The following PARVG variants were observed in gnomAD, a reference collection of about 807,000 sequenced individuals.
PARVG encodes the protein gamma-parvin.
In PARVG, 36 loss-of-function variants were observed where a neutral mutation model predicts 44.4. That is an observed-to-expected ratio of 0.81 (90% confidence interval 0.62 to 1.07). The LOEUF is 1.07. Among genes scored for constraint, PARVG ranks in the 50% least tolerant of loss-of-function variants. The pLI, the probability that PARVG is intolerant of heterozygous loss-of-function variation, is 0.00. For synonymous variants in PARVG, 170 were observed against 174.1 expected, an observed-to-expected ratio of 0.98 and a Z score of 0.19; for missense variants, 407 against 407.4, an observed-to-expected ratio of 1.00 and a Z score of 0.01.
chr22:44,201,262 G>A (rs2054704215), intron 12 of PARVG, among the ~76,000 whole-genome samples: 5 of 152,086 alleles, frequency 3.3e-5, no homozygotes, highest in Admixed American at 2.0e-4. Context: ...GCCTCTCCTG[G>A]CCCTCTCCCC....
chr22:44,184,956 G>A (rs937893498), intron 3 of PARVG: 6 of 152,168 alleles, frequency 3.9e-5, no homozygotes, highest in Non-Finnish European at 5.9e-5. Context: ...TGATTCAAGC[G>A]GCAAGAAGTC....
At chr22:44,198,490 C>T in intron 11 of PARVG, 131 bp from the exon 12 acceptor site, 1 of 729,458 alleles carries the variant, frequency 1.4e-6, no homozygotes, top group Admixed American at 2.3e-5. Flanking sequence ...CATGTCTTCC[C>T]CACTTCTCAT....
At chr22:44,194,110 G>A (rs1284851627) in intron 9 of PARVG, among the ~76,000 whole-genome samples, 1 of 152,188 alleles carries the variant, frequency 6.6e-6, no homozygotes, top group African/African-American at 2.4e-5. Flanking sequence ...AGTGGCCTGG[G>A]TTCAAACACC....
upstream of PARVG, among the ~76,000 whole-genome samples, chr22:44,177,616 C>T (rs1250837256): frequency 2.6e-5 from 4 of 152,098 alleles, no homozygotes; most frequent in Non-Finnish European, 4.4e-5. Flanking sequence ...GTATTTTCCT[C>T]GTTATTAGAT....
In PARVG at chr22:44,201,641, G is replaced by A. The variant is rs565542197; in HGVS notation, c.813+2919G>A. On this transcript the variant is annotated intron_variant, in intron 12 of 13. Coordinates refer to ENST00000444313, the MANE Select transcript of PARVG (RefSeq NM_022141.7). ...GGAGGAGCTGCATCAGCCAGCCATT[G>A]CCACAAACGTGCTGCTTAACAAACC... Among the ~76,000 whole-genome samples, 7 of 152,302 alleles carry A rather than the reference G, an allele frequency of 4.6e-5. No individual in the cohort carries two copies. The South Asian group carries it at 1.5e-3, about 32-fold the overall frequency.
In PARVG at chr22:44,181,085, C is replaced by T. The variant is rs1303716017; in HGVS notation, c.-289C>T. 14 of 702,020 alleles carry T rather than the reference C, an allele frequency of 2.0e-5. No homozygotes were observed. Among genetic ancestry groups the T allele is most frequent in the Admixed American group, 6.3e-5 (1 of 15,886 alleles). 43.5% of individuals were successfully genotyped at this position (702,020 alleles called of 1,614,324 possible). A position where few individuals can be genotyped will look rare whatever the true frequency, so the allele number is the denominator to read the frequency against. On this transcript the variant is annotated 5_prime_UTR_variant, in exon 1 of 14. Transcript: ENST00000444313. ...CAAACTCCTATGCAGCCGTCAAGGCCCCATTCTCCTCTGGAAAGCCTTCCC... is the reference window on the plus strand; with the variant it reads ...CAAACTCCTATGCAGCCGTCAAGGCTCCATTCTCCTCTGGAAAGCCTTCCC...
Position 44,185,987 on chromosome 22 carries a change from G to A in PARVG, c.144+115G>A, listed in dbSNP as rs373096875. 7.6e-5 allele frequency: 71 copies of A among 933,006 alleles called. 2 individuals carry two copies. The highest frequency in any genetic ancestry group is 6.6e-4 in the African/African-American group (39 of 58,976). 57.8% of individuals were successfully genotyped at this position (933,006 alleles called of 1,614,324 possible). On this transcript the variant is annotated intron_variant, in intron 4 of 13. Transcript: ENST00000444313. The stretch of plus-strand genomic sequence containing the variant: ...CCACTCCTTGGCCTCAGGCTGGGGG[G>A]TGGCGACCCCCGAAGACCCCTGGAA...
chr22:44,190,539 C>T lies in PARVG; in HGVS notation c.389-12C>T, dbSNP rs1270527852. 1.2e-6 allele frequency: 2 copies of T among 1,609,274 alleles called. No individual in the cohort carries two copies. Among genetic ancestry groups the T allele is most frequent in the Non-Finnish European group, 1.7e-6 (2 of 1,175,504 alleles). ...CCTCCTGGGCTCTGACCTGTCTCCA[C>T]TCTCTTCCCAGGCATCTTCAACAAG... is the stretch of plus-strand genomic sequence containing the variant. On this transcript the variant is annotated splice_polypyrimidine_tract_variant and intron_variant, in intron 6 of 13. Transcript: ENST00000444313.
intron 8 of PARVG, 24 bp downstream of exon 8, chr22:44,192,128 G>C: frequency 6.2e-7 from 1 of 1,611,456 alleles, no homozygotes; most frequent in Non-Finnish European, 8.5e-7. Context: ...GAGGGCCCAT[G>C]GGTGGGGCTG....
chr22:44,181,329 G>A, intron 1 of PARVG, 144 bp downstream of exon 1: 1 of 985,528 alleles, frequency 1.0e-6, no homozygotes, highest in Non-Finnish European at 1.2e-6. Flanking sequence ...TCAGCTCAGG[G>A]GCGGGCAGGG....
Position 44,205,980 on chromosome 22 carries a change from G to A in PARVG, c.886+151G>A, listed in dbSNP as rs577708785. On this transcript the variant is annotated intron_variant, in intron 13 of 13. Transcript: ENST00000444313. ...GGGTGGAGAATGGGCGCTTGCCAAG[G>A]TTTCTTGGGAGGGGGCACTGCAGCC... 69 of 989,854 alleles carry A rather than the reference G, an allele frequency of 7.0e-5. No individual in the cohort carries two copies. In the African/African-American group the frequency reaches 1.1e-3, roughly 15 times the overall value. 61.3% of individuals were successfully genotyped at this position (989,854 alleles called of 1,614,324 possible).
intron 12 of PARVG, among the ~76,000 whole-genome samples, chr22:44,198,961 T>TCCATCCATCCATCCATCCACCCAC (rs2054664537): frequency 1.4e-5 from 1 of 73,564 alleles, no homozygotes; most frequent in African/African-American, 3.8e-5. Flanking sequence ...CATCCATCCA[T>TCCATCCATCCATCCATCCACCCAC]CCATCCATCC....
chr22:44,175,117 G>A lies in PARVG; in HGVS notation c.-189+1926G>A, dbSNP rs187431981. Among the ~76,000 whole-genome samples, 367 of 152,294 alleles carry A rather than the reference G, an allele frequency of 2.4e-3. 1 individual carries two copies. Among genetic ancestry groups the A allele is most frequent in the African/African-American group, 8.3e-3 (346 of 41,556 alleles). ...AGCCTAGGCAACAAGAGGGAAACTC[G>A]GTCTCAAAAACAAAAAACATTGCTT... On this transcript the variant is annotated intron_variant, in intron 1 of 13. Coordinates refer to the PARVG transcript ENST00000422871.
At position 44,182,840 on chromosome 22, in the gene PARVG, G is replaced by A. The variant is rs2054402705; in HGVS notation, c.-12-478G>A. Among the ~76,000 whole-genome samples the A allele has an allele frequency of 2.0e-5, 3 of 152,172 alleles. No homozygotes were observed. The highest frequency in any genetic ancestry group is 6.5e-5 in the Admixed American group (1 of 15,282). On this transcript the variant is annotated intron_variant, in intron 2 of 13. Coordinates refer to ENST00000444313, the MANE Select transcript of PARVG (RefSeq NM_022141.7). The surrounding 1 kb of genome is among the most constrained non-coding windows in gnomAD (Gnocchi z 4.6). ...TGCCTCTGTCAACCCTGGCCCTTCC[G>A]GTTTATGGGATGGGAGATGTCACCA...
chr22:44,195,296 G>C (rs1380108807), intron 9 of PARVG, among the ~76,000 whole-genome samples: 1 of 152,180 alleles, frequency 6.6e-6, no homozygotes, highest in Non-Finnish European at 1.5e-5. Flanking sequence ...ATTTTAACGT[G>C]CATGATGCTA....
intron 5 of PARVG, 182 bp from the exon 6 acceptor site, chr22:44,188,932 T>G: frequency 1.5e-6 from 1 of 671,338 alleles, no homozygotes; most frequent in Non-Finnish European, 2.4e-6. Context: ...GAGGGTCTCC[T>G]GGAAGCTGGA....
intron 4 of PARVG, chr22:44,186,702 A>G: frequency 2.1e-6 from 1 of 469,228 alleles, no homozygotes; most frequent in South Asian, 1.5e-5. Flanking sequence ...AGAGACAAGG[A>G]TTTGGATGCC....
chr22:44,182,879 C>T lies in PARVG; in HGVS notation c.-12-439C>T, dbSNP rs1376637387. ...GAGATGTCACCATTCCACGTATCCA[C>T]CTCAGCCAGCCCCACACAGGCCGAC... On this transcript the variant is annotated intron_variant, in intron 2 of 13. Transcript: ENST00000444313. This position sits in a 1 kb window ranked among gnomAD's most constrained non-coding sequence, Gnocchi z 4.6. Among the ~76,000 whole-genome samples the T allele has an allele frequency of 6.6e-6, 1 of 152,212 alleles. No homozygotes were observed. Among genetic ancestry groups the T allele is most frequent in the Non-Finnish European group, 1.5e-5 (1 of 68,040 alleles).
At chr22:44,193,895 G>A in intron 9 of PARVG, 72 bp downstream of exon 9, 1 of 1,560,942 alleles carries the variant, frequency 6.4e-7, no homozygotes, top group Non-Finnish European at 8.8e-7. Context: ...TCTTAATGCA[G>A]GGTTAATTGC....
Sources: gnomAD v4.1 joint callset for allele counts (sites outside exome capture counted in the v4.1 genomes callset) on GRCh38, gnomAD v4.1.1 for gene constraint, Gnocchi (gnomAD v3.1) non-coding constraint, MANE v1.5 for transcripts, NCBI Gene and HGNC (gene_info 2026-07-23, HGNC 2026-07-21) for gene names.